The following TAFA2 variants were observed in gnomAD, a reference collection of about 807,000 sequenced individuals.
The protein encoded by TAFA2 is chemokine-like protein TAFA-2.
A neutral mutation model predicts 18.8 loss-of-function variants in TAFA2; 7 were observed. The ratio of observed to expected loss-of-function variants is 0.37; its 90% CI spans 0.21 to 0.70. TAFA2 has a LOEUF of 0.70. Ranked by LOEUF, TAFA2 falls within the 30% of genes least tolerant of loss-of-function variation. The pLI is 0.53. For synonymous variants in TAFA2, 60 were observed against 54.2 expected (o/e 1.11, Z -0.47); for missense variants, 122 against 158.1 (o/e 0.77, Z 1.23).
intron 1 of TAFA2, among the ~76,000 whole-genome samples, chr12:62,060,315 G>A (rs1390456678): frequency 2.0e-5 from 3 of 152,198 alleles, no homozygotes; most frequent in Middle Eastern, 3.4e-3. Flanking sequence ...AAACAATGGA[G>A]GTCCTATAAG....
At chr12:61,989,229 T>C (rs1321933378) in intron 1 of TAFA2, among the ~76,000 whole-genome samples, 2 of 152,282 alleles carry the variant, frequency 1.3e-5, no homozygotes, top group East Asian at 1.9e-4. Flanking sequence ...TAGAGTTGCA[T>C]GTGTCCTCTC....
intron 1 of TAFA2, among the ~76,000 whole-genome samples, chr12:62,014,493 A>G (rs941330095): frequency 5.9e-5 from 9 of 152,224 alleles, no homozygotes; most frequent in East Asian, 1.9e-4. Context: ...TTAGCCGGGC[A>G]TATTGGTGCA....
intron 1 of TAFA2, among the ~76,000 whole-genome samples, chr12:61,977,012 G>T (rs1326948145): frequency 1.3e-5 from 2 of 152,044 alleles, no homozygotes; most frequent in East Asian, 3.9e-4. Flanking sequence ...GTAGTAGCAT[G>T]ATTTATAATC....
intron 1 of TAFA2, among the ~76,000 whole-genome samples, chr12:62,160,462 C>T (rs2062399268): frequency 6.6e-6 from 1 of 152,200 alleles, no homozygotes; most frequent in Admixed American, 6.5e-5. Context: ...CTGGTTTCTC[C>T]TAGTAAACTG....
chr12:62,045,826 C>T (rs1881893986), intron 1 of TAFA2, among the ~76,000 whole-genome samples: 2 of 152,124 alleles, frequency 1.3e-5, no homozygotes, highest in South Asian at 4.1e-4. Context: ...TCATTCACAA[C>T]ACATACATAA....
chr12:61,948,970 A>G lies in TAFA2; in HGVS notation c.-1-81544T>C, dbSNP rs116605129. Among the ~76,000 whole-genome samples the G allele has an allele frequency of 2.7e-3, 414 of 152,160 alleles. 3 individuals carry two copies. The highest frequency in any genetic ancestry group is 9.3e-3 in the African/African-American group (385 of 41,540). ...TTTAGTAGGTCCTCCCAATCTTTTT[A>G]CCATCATTTATTGCTTAGCACTTGT... On this transcript the variant is annotated intron_variant, in intron 1 of 4. Transcript: ENST00000416284.
chr12:61,933,656 G>C (rs1592497187), intron 1 of TAFA2, among the ~76,000 whole-genome samples: 2 of 152,306 alleles, frequency 1.3e-5, no homozygotes, highest in African/African-American at 4.8e-5. Context: ...CCAGGAGTTT[G>C]AGGCTACAGT....
chr12:61,955,632 A>AATATATTTATATATATATAT (rs1878655769), intron 1 of TAFA2, among the ~76,000 whole-genome samples: 1 of 41,210 alleles, frequency 2.4e-5, no homozygotes, highest in Non-Finnish European at 3.9e-5. Flanking sequence ...AAAAAAAAAA[A>AATATATTTATATATATATAT]ATATATATAT....
intron 1 of TAFA2, among the ~76,000 whole-genome samples, chr12:62,257,199 T>TGTGTGTGTGTGTGTGTGA (rs2062944923): frequency 6.7e-5 from 7 of 104,332 alleles, no homozygotes; most frequent in African/African-American, 2.5e-4. Flanking sequence ...TGTGTGTGTG[T>TGTGTGTGTGTGTGTGTGA]GTGATTTGCT....
At chr12:61,905,503 C>T (rs1876307998) in intron 1 of TAFA2, among the ~76,000 whole-genome samples, 1 of 152,138 alleles carries the variant, frequency 6.6e-6, no homozygotes, top group African/African-American at 2.4e-5. Context: ...GATATTATTT[C>T]ATTAGCATTG....
At chr12:61,907,397 G>T (rs2198785) in intron 1 of TAFA2, among the ~76,000 whole-genome samples, 41,512 of 152,134 alleles carry the variant, frequency 0.27, 6,105 homozygotes, top group East Asian at 0.44. Context: ...TTCAGAGGGT[G>T]CAAGCCCCAA....
intron 1 of TAFA2, among the ~76,000 whole-genome samples, chr12:62,228,935 C>A (rs2062800135): frequency 6.6e-6 from 1 of 152,090 alleles, no homozygotes; most frequent in Non-Finnish European, 1.5e-5. Context: ...ACTTTCACTT[C>A]TCTGGTTACA....
At chr12:62,237,223 G>C (rs2062841745) in intron 1 of TAFA2, among the ~76,000 whole-genome samples, 1 of 151,972 alleles carries the variant, frequency 6.6e-6, no homozygotes, top group Non-Finnish European at 1.5e-5. Context: ...GATCCATTCT[G>C]TTCGCCGGGC....
At chr12:61,837,632 A>G (rs60690764) in intron 2 of TAFA2, among the ~76,000 whole-genome samples, 44,203 of 151,860 alleles carry the variant, frequency 0.29, 6,983 homozygotes, top group South Asian at 0.4. Flanking sequence ...GCCTTCTTCA[A>G]TAATTACTAA....
rs1869124626 is a variant in TAFA2 at position 61,753,660 on chromosome 12, A to G, written c.346T>C (p.Trp116Arg). The change falls in exon 4 of 5, where the codon TGG becomes CGG. Residue 116 changes from tryptophan (W) to arginine (R), a missense_variant. Physicochemically the swap from Trp to Arg is moderately radical, Grantham distance 101 (BLOSUM62 -3). Coordinates refer to ENST00000416284, the MANE Select transcript of TAFA2 (RefSeq NM_178539.5). ...ECKVLPDRKGWSCSSGNKVKT... is the reference protein window; with the variant it reads ...ECKVLPDRKGRSCSSGNKVKT... ...ACTTTATTCCCAGAGGAACAGCTCC[A>G]TCCTTTCCGATCCGGAAGAACTTTA... is the stretch of plus-strand genomic sequence containing the variant. The G allele has an allele frequency of 1.2e-6, 2 of 1,612,580 alleles. No individual in the cohort carries two copies. Among genetic ancestry groups the G allele is most frequent in the South Asian group, 1.1e-5 (1 of 91,002 alleles).
intron 1 of TAFA2, among the ~76,000 whole-genome samples, chr12:62,202,815 G>A (rs2062676768): frequency 1.5e-5 from 2 of 131,334 alleles, no homozygotes; most frequent in Admixed American, 8.0e-5. Flanking sequence ...ATGTAGCTGT[G>A]TGGTTCTTTT....
At chr12:61,849,439 A>G (rs1160905833) in intron 2 of TAFA2, among the ~76,000 whole-genome samples, 2 of 152,030 alleles carry the variant, frequency 1.3e-5, no homozygotes, top group Non-Finnish European at 2.9e-5. Flanking sequence ...TCATCTAAGC[A>G]CTCATTTTGC....
At chr12:61,825,471 G>A (rs1003714275) in intron 2 of TAFA2, among the ~76,000 whole-genome samples, 4 of 152,116 alleles carry the variant, frequency 2.6e-5, no homozygotes, top group Non-Finnish European at 5.9e-5. Flanking sequence ...GTGAAACAGG[G>A]TATTTGAGGA....
At chr12:62,117,752 T>C (rs1373120952) in intron 1 of TAFA2, among the ~76,000 whole-genome samples, 3 of 152,092 alleles carry the variant, frequency 2.0e-5, no homozygotes, top group Admixed American at 1.3e-4. Flanking sequence ...TAACATACAA[T>C]CTAAACATGC....
Sources: gnomAD v4.1 joint callset for allele counts (sites outside exome capture counted in the v4.1 genomes callset) on GRCh38, gnomAD v4.1.1 for gene constraint, MANE v1.5 for transcripts, NCBI Gene and HGNC (gene_info 2026-07-23, HGNC 2026-07-21) for gene names.